Variants in POGZ observed in about 807,000 individuals in gnomAD.
The protein encoded by POGZ is pogo transposable element derived with ZNF domain, also known as pogo transposable element with ZNF domain.
A neutral mutation model predicts 134.6 loss-of-function variants in POGZ; 17 were observed. The observed-to-expected ratio is 0.13, with a 90% confidence interval of 0.09 to 0.19. The LOEUF is 0.19. POGZ is among the 10% of genes least tolerant of loss of function. The pLI is 1.00. For synonymous variants in POGZ, 693 were observed against 657.1 expected, an observed-to-expected ratio of 1.05 and a Z score of -0.84; for missense variants, 1,306 against 1,769.7, an observed-to-expected ratio of 0.74 and a Z score of 4.70.
chr1:151,416,871 A>G (rs1571387714), intron 10 of POGZ, among the ~76,000 whole-genome samples: 2 of 152,056 alleles, frequency 1.3e-5, no homozygotes, highest in African/African-American at 2.4e-5. Context: ...GGCTCAAGCA[A>G]TCCTCACGCC....
Position 151,404,727 on chromosome 1 carries a change from C to A in POGZ, c.*75G>T. 5 of 1,496,734 alleles carry A rather than the reference C, an allele frequency of 3.3e-6. No homozygotes were observed. Among genetic ancestry groups the A allele is most frequent in the Non-Finnish European group, 4.4e-6 (5 of 1,124,798 alleles). The allele number at this position is 1,496,734 out of a possible 1,614,324, so 92.7% of individuals were successfully genotyped here. A position where few individuals can be genotyped will look rare whatever the true frequency, so the allele number is the denominator to read the frequency against. On this transcript the variant is annotated 3_prime_UTR_variant, in exon 19 of 19. Coordinates refer to ENST00000271715, the MANE Select transcript of POGZ (RefSeq NM_015100.4). Reference sequence around the variant, plus strand: ...AACCAAATACCCCACCTGGTATGCCCCCTTTTCCCTAAGCCCCTTTACCCT... The same window carrying A: ...AACCAAATACCCCACCTGGTATGCCACCTTTTCCCTAAGCCCCTTTACCCT...
At position 151,424,081 on chromosome 1, in the gene POGZ, T is replaced by C. The variant is rs780238198; in HGVS notation, c.1391A>G (p.Lys464Arg). The C allele has an allele frequency of 1.2e-6, 2 of 1,613,958 alleles. No homozygotes were observed. The highest frequency in any genetic ancestry group is 8.5e-7 in the Non-Finnish European group (1 of 1,180,012). The change falls in exon 9 of 19, where the codon AAA (lysine) becomes AGA (arginine). Residue 464 changes from lysine to arginine, a missense_variant. Around this residue, in one of 10 missense-constraint regions of POGZ, gnomAD observed 541 missense variants for 680.5 expected, o/e 0.80. Coordinates refer to ENST00000271715, the MANE Select transcript of POGZ (RefSeq NM_015100.4). ...NENVGDAVQT[K>R]LIMLVDDFYY... Reference sequence around the variant, plus strand: ...GAAGTCATCTACAAGCATAATGAGTTTGGTCTGGACGGCATCGCCCACGTT... The same window carrying C: ...GAAGTCATCTACAAGCATAATGAGTCTGGTCTGGACGGCATCGCCCACGTT...
Position 151,443,354 on chromosome 1 carries a change from G to A in POGZ, c.-1-1149C>T, listed in dbSNP as rs565564899. 5.9e-5 allele frequency among the ~76,000 whole-genome samples: 9 copies of A among 152,122 alleles called. No individual in the cohort carries two copies. The East Asian group carries it at 7.7e-4, about 13-fold the overall frequency. ...CTGGAGGCCATTCCACTGTGATTTCGGAGTCAACCCTTAATTTGAAAACAC... is the reference window on the plus strand; with the variant it reads ...CTGGAGGCCATTCCACTGTGATTTCAGAGTCAACCCTTAATTTGAAAACAC... On this transcript the variant is annotated intron_variant, in intron 1 of 18. Coordinates refer to ENST00000271715, the MANE Select transcript of POGZ (RefSeq NM_015100.4).
chr1:151,409,918 C>T (rs1557875961), intron 12 of POGZ, among the ~76,000 whole-genome samples: 2 of 152,184 alleles, frequency 1.3e-5, no homozygotes. Context: ...AGTAGGATAA[C>T]AAAGCTCTGT....
intron 7 of POGZ, chr1:151,427,258 T>A (rs2102290697): frequency 6.5e-6 from 1 of 153,450 alleles, no homozygotes; most frequent in South Asian, 2.0e-4. Context: ...TTTCGACACA[T>A]GAAAATTTTA....
chr1:151,408,698 G>A lies in POGZ; in HGVS notation c.2057C>T (p.Thr686Ile), dbSNP rs1161916264. The change falls in exon 13 of 19, where the codon ACC (threonine) becomes ATC (isoleucine). Residue 686 changes from threonine (T) to isoleucine (I), a missense_variant. Thr to Ile is a moderately conservative substitution (Grantham distance 89, BLOSUM62 -1). Transcript: ENST00000271715. Reference protein sequence around the residue: ...PKQLEGLKPGTKVTIRASRGQ... With the variant: ...PKQLEGLKPGIKVTIRASRGQ... ...AGACACTGGCAAACTCTTTACCTTG[G>A]TGCCTGGTTTCAAGCCCTCCAGCTG... 3 of 1,613,484 alleles carry A rather than the reference G, an allele frequency of 1.9e-6. No individual in the cohort carries two copies. The African/African-American group carries it at 4.0e-5, about 22-fold the overall frequency.
At chr1:151,447,277 CAGG>C (rs1661412564) in intron 1 of POGZ, among the ~76,000 whole-genome samples, 1 of 151,876 alleles carries the variant, frequency 6.6e-6, no homozygotes, top group Non-Finnish European at 1.5e-5. Flanking sequence ...GAGGCTGAAA[CAGG>C]AGAATTGCTT....
chr1:151,423,419 A>C lies in POGZ; in HGVS notation c.1656T>G (p.Val552=), dbSNP rs769029087. 1 of 1,614,154 alleles carries C rather than the reference A, an allele frequency of 6.2e-7. No homozygotes were observed. The highest frequency in any genetic ancestry group is 1.7e-5 in the Admixed American group (1 of 60,018). The change falls in exon 10 of 19, where the codon GTT becomes GTG. Residue 552 remains valine, a synonymous_variant. Transcript: ENST00000271715. ...PFQLQCHLEN[V]HSPYESTTKC... ...TACTAGTAGATTCATAGGGACTATG[A>C]ACATTTTCCAAGTGGCACTGAAGCT... is the stretch of plus-strand genomic sequence containing the variant.
intron 1 of POGZ, among the ~76,000 whole-genome samples, chr1:151,458,601 T>TCCGCCGCCGCCCGCC (rs1553238704): frequency 2.8e-5 from 4 of 142,720 alleles, no homozygotes; most frequent in Non-Finnish European, 4.6e-5. Context: ...CAGGGGCCGC[T>TCCGCCGCCGCCCGCC]CCGCCGCCGC....
In POGZ at chr1:151,404,083, T is replaced by C; in HGVS notation, c.*719A>G. ...AGGTGGTGAGGAAAAGACAAATCTA[T>C]TCATTCTGGATAATTAAAGGTGGTT... On this transcript the variant is annotated 3_prime_UTR_variant, in exon 19 of 19. Transcript: ENST00000271715. The C allele has an allele frequency of 1.0e-6, 1 of 985,502 alleles. No individual in the cohort carries two copies. Among genetic ancestry groups the C allele is most frequent in the Non-Finnish European group, 1.2e-6 (1 of 829,896 alleles). 61.0% of individuals were successfully genotyped at this position (985,502 alleles called of 1,614,324 possible).
At chr1:151,450,751 A>C (rs905828855) in intron 1 of POGZ, among the ~76,000 whole-genome samples, 75 of 151,934 alleles carry the variant, frequency 4.9e-4, no homozygotes, top group Admixed American at 1.1e-3. Context: ...TCAACTTTCA[A>C]ATCATTTTTG....
chr1:151,422,858 T>C (rs1027654795), intron 10 of POGZ, among the ~76,000 whole-genome samples: 1 of 152,136 alleles, frequency 6.6e-6, no homozygotes. Context: ...TCCCAAAGTG[T>C]TGGGATTACA....
At chr1:151,410,179 G>A (rs1402107629) in intron 12 of POGZ, among the ~76,000 whole-genome samples, 1 of 152,106 alleles carries the variant, frequency 6.6e-6, no homozygotes, top group Non-Finnish European at 1.5e-5. Context: ...CGAAGTCATA[G>A]CTTTTCATCT....
rs554492585 is a variant in POGZ at position 151,451,429 on chromosome 1, C to T, written c.-2+7723G>A. Reference sequence around the variant, plus strand: ...GCAACCTTCACCTCCTGGGTGCAAGCGATTCTCTTGCTTCAGCCTCTCAAG... The same window carrying T: ...GCAACCTTCACCTCCTGGGTGCAAGTGATTCTCTTGCTTCAGCCTCTCAAG... On this transcript the variant is annotated intron_variant, in intron 1 of 18. Coordinates refer to ENST00000271715, the MANE Select transcript of POGZ (RefSeq NM_015100.4). Among the ~76,000 whole-genome samples the T allele has an allele frequency of 8.0e-4, 121 of 151,810 alleles. 2 individuals are homozygous for T. Among genetic ancestry groups the T allele is most frequent in the Non-Finnish European group, 1.1e-3 (76 of 67,998 alleles).
At chr1:151,423,123 A>AT (rs1657218749) in intron 10 of POGZ, among the ~76,000 whole-genome samples, 1 of 152,238 alleles carries the variant, frequency 6.6e-6, no homozygotes, top group South Asian at 2.1e-4. Flanking sequence ...TAAGAAATAA[A>AT]TTAATTACAT....
Position 151,408,735 on chromosome 1 carries a change from G to A in POGZ, c.2020C>T (p.Arg674Cys), listed in dbSNP as rs752714141. Residue 674 changes from arginine (R) to cysteine (C), a missense_variant, in exon 13 of 19, where the codon CGT becomes TGT. Around this residue, in one of 10 missense-constraint regions of POGZ, gnomAD observed 149 missense variants for 237.5 expected, o/e 0.63. Transcript: ENST00000271715. ...EHKLQHHKTF[R>C]KPKQLEGLKP... The stretch of plus-strand genomic sequence containing the variant: ...AAGCCCTCCAGCTGCTTGGGTTTAC[G>A]GAAGGTTTTATGGTGTTGAAGCTTG... 8 of 1,613,948 alleles carry A rather than the reference G, an allele frequency of 5.0e-6. No individual in the cohort carries two copies. Among genetic ancestry groups the A allele is most frequent in the African/African-American group, 1.3e-5 (1 of 74,868 alleles).
At chr1:151,436,736 G>A (rs952972696) in intron 3 of POGZ, among the ~76,000 whole-genome samples, 6 of 152,070 alleles carry the variant, frequency 3.9e-5, no homozygotes, top group African/African-American at 1.2e-4. Context: ...ATTACATTTT[G>A]TTTATCCATC....
At position 151,442,103 on chromosome 1, in the gene POGZ, A is replaced by T; in HGVS notation, c.102T>A (p.Asn34Lys). The T allele has an allele frequency of 6.2e-7, 1 of 1,603,738 alleles. No homozygotes were observed. The highest frequency in any genetic ancestry group is 8.5e-7 in the Non-Finnish European group (1 of 1,170,736). ...TACCTGTGGTAGTTTTATCCACTGA[A>T]TTATAATCTTCAACTACAGAGTCCT... Reference protein sequence around the residue: ...VIEDSVVEDYNSVDKTTTVSV... With the variant: ...VIEDSVVEDYKSVDKTTTVSV... The change falls in exon 2 of 19, where the codon AAT (asparagine) becomes AAA (lysine). Residue 34 changes from asparagine (N) to lysine (K), a missense_variant. By Grantham distance (94) the Asn-to-Lys change is moderately conservative (BLOSUM62 0). This residue lies in a region of POGZ where 541 missense variants were observed against 680.5 expected (regional missense o/e 0.80). Coordinates refer to ENST00000271715, the MANE Select transcript of POGZ (RefSeq NM_015100.4).
At chr1:151,419,829 G>C (rs1656580624) in intron 10 of POGZ, among the ~76,000 whole-genome samples, 1 of 152,060 alleles carries the variant, frequency 6.6e-6, no homozygotes, top group South Asian at 2.1e-4. Flanking sequence ...CAAAAATTAA[G>C]TCAGGGAAAC....
Sources: allele counts gnomAD v4.1 joint callset (sites outside exome capture counted in the v4.1 genomes callset), GRCh38; gene constraint gnomAD v4.1.1; regional missense constraint gnomAD v4.1.1; transcripts MANE v1.5; gene names NCBI Gene and HGNC (gene_info 2026-07-23, HGNC 2026-07-21).